Variants in HHAT observed in about 807,000 individuals in gnomAD.
HHAT encodes protein-cysteine N-palmitoyltransferase HHAT.
Under a neutral mutation model 70.8 loss-of-function variants are expected in HHAT, and 47 were observed. The ratio of observed to expected loss-of-function variants is 0.66; its 90% CI spans 0.53 to 0.85. The LOEUF (loss-of-function observed/expected upper bound fraction) is 0.85, where lower values mean the gene tolerates loss of function less well. Among genes scored for constraint, HHAT ranks in the 40% least tolerant of loss-of-function variants. HHAT has a pLI of 0.00. For synonymous variants in HHAT, 228 were observed against 247.6 expected, an observed-to-expected ratio of 0.92 and a Z score of 0.74; for missense variants, 609 against 604.8, an observed-to-expected ratio of 1.01 and a Z score of -0.07.
intron 9 of HHAT, among the ~76,000 whole-genome samples, chr1:210,573,187 A>T (rs1295882289): frequency 6.6e-6 from 1 of 152,156 alleles, no homozygotes; most frequent in Non-Finnish European, 1.5e-5. Context: ...GAGAGGCCTC[A>T]TTCCCTGGTT....
chr1:210,633,367 C>A (rs1315887116), intron 11 of HHAT, among the ~76,000 whole-genome samples: 1 of 152,170 alleles, frequency 6.6e-6, no homozygotes, highest in East Asian at 1.9e-4. Context: ...GTCAAATGCC[C>A]GGTCGCAGCA....
At chr1:210,629,215 A>G (rs2148886621) in intron 11 of HHAT, among the ~76,000 whole-genome samples, 1 of 152,332 alleles carries the variant, frequency 6.6e-6, no homozygotes, top group East Asian at 1.9e-4. Context: ...TCTTTACTGT[A>G]TGCCACATGG....
chr1:210,570,908 A>G (rs1656125507), intron 9 of HHAT, among the ~76,000 whole-genome samples: 1 of 152,138 alleles, frequency 6.6e-6, no homozygotes, highest in Non-Finnish European at 1.5e-5. Context: ...TTACCCCATA[A>G]GAGGGGTAAG....
At chr1:210,639,080 G>C (rs980938094) in intron 11 of HHAT, among the ~76,000 whole-genome samples, 1 of 152,032 alleles carries the variant, frequency 6.6e-6, no homozygotes, top group African/African-American at 2.4e-5. Context: ...TAATTGATCC[G>C]ATATGGCCCT....
At chr1:210,623,026 T>C (rs1210898773) in intron 10 of HHAT, among the ~76,000 whole-genome samples, 1 of 152,144 alleles carries the variant, frequency 6.6e-6, no homozygotes, top group East Asian at 1.9e-4. Context: ...CAACTTGGGG[T>C]ATGTCACTTC....
chr1:210,631,312 TG>T (rs1303655473), intron 11 of HHAT: 2 of 355,722 alleles, frequency 5.6e-6, no homozygotes, highest in Non-Finnish European at 1.1e-5. Context: ...CTAAAGTGCC[TG>T]GTTAATTGTT....
At chr1:210,390,192 C>A (rs2091363298) in intron 4 of HHAT, among the ~76,000 whole-genome samples, 1 of 151,934 alleles carries the variant, frequency 6.6e-6, no homozygotes, top group African/African-American at 2.4e-5. Context: ...TAGAGGAAAA[C>A]AAAAACCAAA....
intron 7 of HHAT, among the ~76,000 whole-genome samples, chr1:210,461,277 G>A (rs905220847): frequency 6.6e-6 from 1 of 152,048 alleles, no homozygotes; most frequent in Non-Finnish European, 1.5e-5. Context: ...TAGGTCAAGG[G>A]GAAAGAAGAA....
intron 7 of HHAT, among the ~76,000 whole-genome samples, chr1:210,448,173 C>T (rs577107895): frequency 1.3e-5 from 2 of 151,282 alleles, no homozygotes; most frequent in African/African-American, 4.9e-5. Context: ...CCTCTGCCTT[C>T]CTGGTTCAAG....
chr1:210,424,209 C>G (rs185612297), intron 7 of HHAT, among the ~76,000 whole-genome samples: 1 of 152,076 alleles, frequency 6.6e-6, no homozygotes, highest in Non-Finnish European at 1.5e-5. Context: ...CTTCAGTGTT[C>G]GTATTTCTTT....
At chr1:210,414,270 A>G (rs1055425704) in intron 6 of HHAT, among the ~76,000 whole-genome samples, 4 of 152,112 alleles carry the variant, frequency 2.6e-5, no homozygotes, top group African/African-American at 9.7e-5. Flanking sequence ...TCATGACCTA[A>G]TCACTTCTCA....
chr1:210,563,511 G>A (rs1016606575), intron 9 of HHAT, among the ~76,000 whole-genome samples: 8 of 152,092 alleles, frequency 5.3e-5, no homozygotes, highest in African/African-American at 1.9e-4. Flanking sequence ...TGAAGTCCAG[G>A]GAGAGCCTCT....
chr1:210,500,053 G>A (rs531551234), intron 8 of HHAT, among the ~76,000 whole-genome samples: 1 of 152,344 alleles, frequency 6.6e-6, no homozygotes, highest in East Asian at 1.9e-4. Context: ...TAAAAGGAGG[G>A]AAAGCCTGTG....
At chr1:210,670,875 G>A (rs1382499503) in intron 11 of HHAT, among the ~76,000 whole-genome samples, 2 of 151,904 alleles carry the variant, frequency 1.3e-5, no homozygotes, top group East Asian at 1.9e-4. Flanking sequence ...CTGTCATTGT[G>A]TAGATGGGGA....
chr1:210,362,117 A>G (rs867698957), intron 2 of HHAT, among the ~76,000 whole-genome samples: 2 of 151,988 alleles, frequency 1.3e-5, no homozygotes, highest in Middle Eastern at 3.4e-3. Flanking sequence ...AATCAACTGT[A>G]TTGTTTACTT....
intron 8 of HHAT, among the ~76,000 whole-genome samples, chr1:210,475,155 C>T (rs1020515840): frequency 2.0e-5 from 3 of 152,050 alleles, no homozygotes; most frequent in African/African-American, 4.8e-5. Context: ...GCCACTGTGC[C>T]GAGCTCACCC....
chr1:210,414,631 CAG>C (rs933838149), intron 6 of HHAT, among the ~76,000 whole-genome samples: 7 of 152,282 alleles, frequency 4.6e-5, no homozygotes, highest in Admixed American at 2.6e-4. Flanking sequence ...GATGAAGAAA[CAG>C]AGGGGTCTTG....
At chr1:210,536,186 A>G (rs2095370233) in intron 9 of HHAT, among the ~76,000 whole-genome samples, 1 of 152,228 alleles carries the variant, frequency 6.6e-6, no homozygotes. Flanking sequence ...TAAAATATAT[A>G]AATAGCCTAT....
chr1:210,649,570 C>T (rs1010776359), intron 11 of HHAT, among the ~76,000 whole-genome samples: 1 of 152,244 alleles, frequency 6.6e-6, no homozygotes, highest in Non-Finnish European at 1.5e-5. Flanking sequence ...GGATGGGCTG[C>T]GTGCAGCCAT....
Sources: gnomAD v4.1 joint callset for allele counts (sites outside exome capture counted in the v4.1 genomes callset) on GRCh38, gnomAD v4.1.1 for gene constraint, MANE v1.5 for transcripts, NCBI Gene and HGNC (gene_info 2026-07-23, HGNC 2026-07-21) for gene names.